The following ASIC2 variants were observed in gnomAD, a reference collection of about 807,000 sequenced individuals.
ASIC2 encodes the protein acid sensing ion channel subunit 2, also known as acid-sensing ion channel 2.
ASIC2 carries 25 observed loss-of-function variants against 57.3 expected under a neutral mutation model. The ratio of observed to expected loss-of-function variants is 0.44; its 90% CI spans 0.32 to 0.61. ASIC2 has a LOEUF of 0.61. Ranked by LOEUF, ASIC2 falls within the 20% of genes least tolerant of loss-of-function variation. The pLI is 0.06. For synonymous variants in ASIC2, 319 were observed against 307.5 expected (o/e 1.04, Z -0.39); for missense variants, 641 against 738.1 (o/e 0.87, Z 1.52).
At chr17:33,469,877 G>A (rs190855716) in intron 1 of ASIC2, among the ~76,000 whole-genome samples, 18 of 152,284 alleles carry the variant, frequency 1.2e-4, no homozygotes, top group Non-Finnish European at 2.4e-4. Context: ...TAGCAGCTAA[G>A]GTATTGTGGA....
chr17:33,234,352 G>A (rs2142111738), intron 1 of ASIC2, among the ~76,000 whole-genome samples: 1 of 152,304 alleles, frequency 6.6e-6, no homozygotes, highest in African/African-American at 2.4e-5. Context: ...TGGATATGTG[G>A]CCCTGGCTGG....
chr17:34,041,742 T>C (rs886797125), intron 1 of ASIC2, among the ~76,000 whole-genome samples: 4 of 152,222 alleles, frequency 2.6e-5, no homozygotes, highest in Non-Finnish European at 5.9e-5. Flanking sequence ...TTAATGCTTG[T>C]TATCGCTTTC....
At chr17:33,327,158 A>G (rs1907113046) in intron 1 of ASIC2, among the ~76,000 whole-genome samples, 1 of 151,974 alleles carries the variant, frequency 6.6e-6, no homozygotes, top group Admixed American at 6.6e-5. Context: ...CCTCCACCAC[A>G]CTTCTGACCG....
intron 1 of ASIC2, among the ~76,000 whole-genome samples, chr17:33,396,313 G>A (rs913033642): frequency 2.2e-4 from 33 of 152,110 alleles, no homozygotes; most frequent in African/African-American, 7.0e-4. Context: ...TAACAATTAC[G>A]GTTCTGAAAC....
chr17:33,500,651 A>G (rs1428524573), intron 1 of ASIC2, among the ~76,000 whole-genome samples: 1 of 152,210 alleles, frequency 6.6e-6, no homozygotes, highest in African/African-American at 2.4e-5. Context: ...CATATTGTGT[A>G]TGTTGAGGAT....
chr17:33,593,500 T>A (rs1385330720), intron 1 of ASIC2, among the ~76,000 whole-genome samples: 2 of 152,080 alleles, frequency 1.3e-5, no homozygotes, highest in African/African-American at 2.4e-5. Context: ...TGGCTAAGGG[T>A]GGGTTTCTGA....
At chr17:33,425,041 C>G (rs981487464) in intron 1 of ASIC2, among the ~76,000 whole-genome samples, 1 of 152,166 alleles carries the variant, frequency 6.6e-6, no homozygotes. Context: ...ACACATTATT[C>G]CACTTAAATT....
At chr17:33,216,412 C>A (rs1907490982) in intron 1 of ASIC2, among the ~76,000 whole-genome samples, 1 of 152,188 alleles carries the variant, frequency 6.6e-6, no homozygotes, top group Admixed American at 6.5e-5. Flanking sequence ...GGAGAGAAAC[C>A]AATCAACTCT....
At chr17:33,520,358 C>T (rs1914703211) in intron 1 of ASIC2, among the ~76,000 whole-genome samples, 1 of 152,206 alleles carries the variant, frequency 6.6e-6, no homozygotes, top group Admixed American at 6.5e-5. Flanking sequence ...AGAACATACG[C>T]TCTTTGGCCA....
At position 33,941,182 on chromosome 17, in the gene ASIC2, C is replaced by T. The variant is rs144439726; in HGVS notation, c.555+214796G>A. ...TGGTGGAAACTCATGAGGGGCCAGA[C>T]GAGCCTCCAGCCCTGCCAGGGAGTC... On this transcript the variant is annotated intron_variant, in intron 1 of 9. Transcript: ENST00000359872. 4.3e-3 allele frequency among the ~76,000 whole-genome samples: 655 copies of T among 152,280 alleles called. 8 individuals are homozygous for T. Among genetic ancestry groups the T allele is most frequent in the African/African-American group, 0.015 (619 of 41,554 alleles).
At chr17:33,406,110 C>T (rs987110420) in intron 1 of ASIC2, among the ~76,000 whole-genome samples, 1 of 152,120 alleles carries the variant, frequency 6.6e-6, no homozygotes, top group African/African-American at 2.4e-5. Context: ...CTCTGGTGTG[C>T]CCCTTCCTCT....
chr17:33,710,311 A>G (rs533300036), intron 1 of ASIC2, among the ~76,000 whole-genome samples: 1 of 152,354 alleles, frequency 6.6e-6, no homozygotes, highest in Admixed American at 6.5e-5. Flanking sequence ...GTTACTGACC[A>G]TCTATTATGC....
At chr17:34,042,462 G>A (rs1011767176) in intron 1 of ASIC2, among the ~76,000 whole-genome samples, 28 of 151,822 alleles carry the variant, frequency 1.8e-4, no homozygotes, top group African/African-American at 6.5e-4. Flanking sequence ...AACAGCACAC[G>A]TTGTATGATT....
At chr17:33,876,865 C>A (rs1019601174) in intron 1 of ASIC2, among the ~76,000 whole-genome samples, 1 of 152,158 alleles carries the variant, frequency 6.6e-6, no homozygotes, top group Non-Finnish European at 1.5e-5. Context: ...TTCCTGTCAC[C>A]CAGGAACCCG....
intron 1 of ASIC2, chr17:33,680,977 G>C (rs1463015908): frequency 6.6e-6 from 1 of 152,200 alleles, no homozygotes; most frequent in African/African-American, 2.4e-5. Flanking sequence ...AAGGAAAAAG[G>C]CAACTGGTTT....
intron 1 of ASIC2, among the ~76,000 whole-genome samples, chr17:34,074,913 G>C (rs1909573901): frequency 6.6e-6 from 1 of 151,514 alleles, no homozygotes; most frequent in Non-Finnish European, 1.5e-5. Context: ...AGCCCCCTGA[G>C]TAGTTGGGAT....
intron 1 of ASIC2, among the ~76,000 whole-genome samples, chr17:33,226,894 A>T (rs1247918645): frequency 6.6e-6 from 1 of 152,226 alleles, no homozygotes; most frequent in African/African-American, 2.4e-5. Flanking sequence ...AAATTAATTA[A>T]TATTATATTT....
intron 1 of ASIC2, among the ~76,000 whole-genome samples, chr17:33,113,208 T>A (rs1198177429): frequency 6.6e-6 from 1 of 152,174 alleles, no homozygotes; most frequent in East Asian, 1.9e-4. Context: ...TAGTGTGACT[T>A]TAAGTGAACC....
chr17:33,696,463 A>G (rs1364573998), intron 1 of ASIC2, among the ~76,000 whole-genome samples: 1 of 152,208 alleles, frequency 6.6e-6, no homozygotes, highest in Non-Finnish European at 1.5e-5. Flanking sequence ...TCTTTTTTAC[A>G]TATATGAGGG....
Sources: gnomAD v4.1 joint callset for allele counts (sites outside exome capture counted in the v4.1 genomes callset) on GRCh38, gnomAD v4.1.1 for gene constraint, MANE v1.5 for transcripts, NCBI Gene and HGNC (gene_info 2026-07-23, HGNC 2026-07-21) for gene names.